Variants in RABGAP1L observed in about 807,000 individuals in gnomAD.
The protein encoded by RABGAP1L is RAB GTPase activating protein 1 like.
RABGAP1L carries 63 observed loss-of-function variants against 137.7 expected under a neutral mutation model. The observed-to-expected ratio is 0.46, with a 90% CI of 0.37 to 0.56. The LOEUF is 0.56. Among genes scored for constraint, RABGAP1L ranks in the 20% least tolerant of loss-of-function variants. The probability of loss-of-function intolerance (pLI) is 0.00; values close to 1 mark genes in which losing one functional copy is unlikely to be tolerated. For synonymous variants in RABGAP1L, 431 were observed against 433.7 expected (o/e 0.99, Z 0.08); for missense variants, 1,095 against 1,244.0 (o/e 0.88, Z 1.80).
chr1:174,733,454 C>T (rs1212107275), intron 17 of RABGAP1L, among the ~76,000 whole-genome samples: 1 of 152,192 alleles, frequency 6.6e-6, no homozygotes, highest in Admixed American at 6.5e-5. Context: ...TTTAACTTGA[C>T]CAATTTGTAT....
At chr1:174,816,206 G>A (rs1690386018) in intron 19 of RABGAP1L, among the ~76,000 whole-genome samples, 1 of 134,408 alleles carries the variant, frequency 7.4e-6, no homozygotes. Flanking sequence ...AGGCTGGAGT[G>A]CAATGGTGCC....
At chr1:174,481,000 A>G (rs911434777) in intron 13 of RABGAP1L, among the ~76,000 whole-genome samples, 2 of 152,166 alleles carry the variant, frequency 1.3e-5, no homozygotes, top group Non-Finnish European at 2.9e-5. Context: ...AACAATTTGC[A>G]CTGCCTGTGT....
rs1008903697 is a variant in RABGAP1L at position 174,995,008 on chromosome 1, A to C, written c.*5007A>C. ...CCTCTTCCTCTATAAACAATGACCA[A>C]TTAGACGTTTCCGTAATTCCATGTA... On this transcript the variant is annotated 3_prime_UTR_variant, in exon 26 of 26. Coordinates refer to ENST00000681986, the MANE Select transcript of RABGAP1L (RefSeq NM_001366446.1). 5.3e-5 allele frequency: 8 copies of C among 152,270 alleles called. No individual in the cohort carries two copies. The highest frequency in any genetic ancestry group is 1.2e-4 in the African/African-American group (5 of 41,474). The allele number at this position is 152,270 out of a possible 1,614,324, so 9.4% of individuals were successfully genotyped here. A position where few individuals can be genotyped will look rare whatever the true frequency, so the allele number is the denominator to read the frequency against.
intron 13 of RABGAP1L, among the ~76,000 whole-genome samples, chr1:174,629,607 C>G (rs1673176899): frequency 6.6e-6 from 1 of 152,134 alleles, no homozygotes; most frequent in Non-Finnish European, 1.5e-5. Context: ...ACTGCAACCT[C>G]CACTTCCCAG....
At chr1:174,406,160 T>TG in intron 13 of RABGAP1L, among the ~76,000 whole-genome samples, 1 of 152,146 alleles carries the variant, frequency 6.6e-6, no homozygotes, top group Admixed American at 6.5e-5. Flanking sequence ...AGATCTTTCA[T>TG]TTACTGTCTG....
At position 174,225,817 on chromosome 1, in the gene RABGAP1L, A is replaced by C. The variant is rs567652721; in HGVS notation, c.331+4653A>C. On this transcript the variant is annotated intron_variant, in intron 3 of 25. Transcript: ENST00000681986. ...CTGTTTTGCAGAATCATATGTCTGG[A>C]GCACTTTATGACAAAGTGGTGAGAG... Among the ~76,000 whole-genome samples, 5 of 152,214 alleles carry C rather than the reference A, an allele frequency of 3.3e-5. No homozygotes were observed. In the South Asian group the frequency reaches 1.0e-3, roughly 32 times the overall value.
intron 18 of RABGAP1L, among the ~76,000 whole-genome samples, chr1:174,772,567 C>CAAAAAAAAAAA (rs60690186): frequency 1.9e-5 from 1 of 53,074 alleles, no homozygotes; most frequent in African/African-American, 8.2e-5. Flanking sequence ...GACTCCATCT[C>CAAAAAAAAAAA]AAAAAAAAAA....
At chr1:174,169,254 C>G (rs1665151391) in intron 1 of RABGAP1L, among the ~76,000 whole-genome samples, 1 of 151,670 alleles carries the variant, frequency 6.6e-6, no homozygotes. Context: ...GAGTCTTGCT[C>G]TGTCGCCCAG....
intron 19 of RABGAP1L, among the ~76,000 whole-genome samples, chr1:174,939,299 T>C (rs1393625977): frequency 6.6e-6 from 1 of 152,182 alleles, no homozygotes; most frequent in African/African-American, 2.4e-5. Flanking sequence ...CTCATGCCTG[T>C]AATCCCAGCA....
chr1:174,883,553 C>A (rs1018812817), intron 19 of RABGAP1L, among the ~76,000 whole-genome samples: 4 of 152,042 alleles, frequency 2.6e-5, no homozygotes, highest in Non-Finnish European at 5.9e-5. Context: ...GAAGATGGTG[C>A]TGAAGATCTT....
intron 13 of RABGAP1L, among the ~76,000 whole-genome samples, chr1:174,620,846 G>C (rs113893433): frequency 1.3e-5 from 2 of 152,192 alleles, no homozygotes; most frequent in African/African-American, 2.4e-5. Context: ...GAATACAGGA[G>C]CTGGTTTTTT....
intron 13 of RABGAP1L, among the ~76,000 whole-genome samples, chr1:174,493,709 T>C (rs1660477091): frequency 6.6e-6 from 1 of 150,876 alleles, no homozygotes. Flanking sequence ...TAGTTTCAGC[T>C]ACTTGGGAGG....
At chr1:174,450,716 G>A (rs1655339827) in intron 13 of RABGAP1L, among the ~76,000 whole-genome samples, 1 of 152,214 alleles carries the variant, frequency 6.6e-6, no homozygotes, top group African/African-American at 2.4e-5. Flanking sequence ...AGCGAAGCAA[G>A]TATGAGCAGT....
intron 13 of RABGAP1L, among the ~76,000 whole-genome samples, chr1:174,403,056 G>A (rs1486407189): frequency 6.6e-6 from 1 of 152,034 alleles, no homozygotes; most frequent in East Asian, 1.9e-4. Context: ...TGTAACGTGT[G>A]TACTGTATAC....
chr1:174,276,323 T>A (rs1415605117), intron 9 of RABGAP1L, among the ~76,000 whole-genome samples: 2 of 152,110 alleles, frequency 1.3e-5, no homozygotes, highest in Non-Finnish European at 2.9e-5. Context: ...ATTTTTAAAT[T>A]TTATTTTTGT....
chr1:174,344,842 T>C (rs1682297591), intron 11 of RABGAP1L, among the ~76,000 whole-genome samples: 1 of 152,164 alleles, frequency 6.6e-6, no homozygotes, highest in Non-Finnish European at 1.5e-5. Flanking sequence ...CTTCTGGGGG[T>C]ATTACTCAAT....
intron 4 of RABGAP1L, 21 bp downstream of exon 4, chr1:174,231,376 C>T (rs1288962377): frequency 1.3e-6 from 2 of 1,597,188 alleles, no homozygotes; most frequent in East Asian, 4.5e-5. Context: ...ATTTGTTTTT[C>T]TTTAGACACA....
intron 14 of RABGAP1L, among the ~76,000 whole-genome samples, chr1:174,639,812 T>C (rs1178694460): frequency 6.6e-6 from 1 of 152,196 alleles, no homozygotes; most frequent in East Asian, 1.9e-4. Context: ...TGATACACTT[T>C]GATTTGGTGT....
In RABGAP1L at chr1:174,203,454, C is replaced by G. The variant is rs186736091; in HGVS notation, c.-33-15671C>G. On this transcript the variant is annotated intron_variant, in intron 1 of 25. Transcript: ENST00000681986. ...TTATTTCTGGGCTCTCTATTTTGTT[C>G]CATTGGTCTATGTGCCTGTTTTTGT... Among the ~76,000 whole-genome samples, 33 of 152,172 alleles carry G rather than the reference C, an allele frequency of 2.2e-4. No individual in the cohort carries two copies. In the East Asian group the frequency reaches 4.2e-3, roughly 20 times the overall value.
Sources: gnomAD v4.1 joint callset for allele counts (sites outside exome capture counted in the v4.1 genomes callset) on GRCh38, gnomAD v4.1.1 for gene constraint, MANE v1.5 for transcripts, NCBI Gene and HGNC (gene_info 2026-07-23, HGNC 2026-07-21) for gene names.